The following USP49 variants were observed in gnomAD, a reference collection of about 807,000 sequenced individuals.
USP49 encodes ubiquitin specific peptidase 49, also known as ubiquitin carboxyl-terminal hydrolase 49.
Under a neutral mutation model 58.6 loss-of-function variants are expected in USP49, and 24 were observed. The ratio of observed to expected loss-of-function variants is 0.41; its 90% CI spans 0.30 to 0.58. The LOEUF (loss-of-function observed/expected upper bound fraction) is 0.58, where lower values mean the gene tolerates loss of function less well. Among genes scored for constraint, USP49 ranks in the 20% least tolerant of loss-of-function variants. USP49 has a pLI of 0.30. For missense variants in USP49, 703 were observed against 866.1 expected (o/e 0.81, Z 2.36); for synonymous variants, 408 against 365.1 (o/e 1.12, Z -1.34).
At chr6:41,808,639 T>C (rs1334640447) in intron 3 of USP49, among the ~76,000 whole-genome samples, 1 of 152,076 alleles carries the variant, frequency 6.6e-6, no homozygotes, top group Non-Finnish European at 1.5e-5. Context: ...CCCGATCTCT[T>C]GACCTCGTGA....
chr6:41,812,208 T>C (rs923201210), intron 3 of USP49, among the ~76,000 whole-genome samples: 2 of 151,806 alleles, frequency 1.3e-5, no homozygotes, highest in Non-Finnish European at 2.9e-5. Context: ...GCCTCACAAA[T>C]AGCTGGGATT....
intron 3 of USP49, among the ~76,000 whole-genome samples, chr6:41,819,021 T>A (rs564476317): frequency 1.1e-4 from 17 of 152,088 alleles, no homozygotes; most frequent in African/African-American, 3.9e-4. Context: ...TAAAAGTCTG[T>A]ACAGAAATGA....
At chr6:41,880,900 G>T (rs758878304) in intron 2 of USP49, among the ~76,000 whole-genome samples, 11 of 151,992 alleles carry the variant, frequency 7.2e-5, no homozygotes, top group Non-Finnish European at 1.6e-4. Flanking sequence ...GTCTAGAAAA[G>T]AACCTACACA....
intron 3 of USP49, chr6:41,869,825 C>T (rs879802297): frequency 2.0e-5 from 3 of 152,032 alleles, no homozygotes; most frequent in East Asian, 3.8e-4. Flanking sequence ...AATTGTGTAG[C>T]CTGCTTTACA....
At chr6:41,827,411 G>A (rs1225865270) in intron 3 of USP49, among the ~76,000 whole-genome samples, 1 of 152,128 alleles carries the variant, frequency 6.6e-6, no homozygotes, top group African/African-American at 2.4e-5. Context: ...TGTAATCCCA[G>A]GACTTTGGGA....
At chr6:41,884,357 A>G (rs1256662505) in intron 2 of USP49, among the ~76,000 whole-genome samples, 2 of 152,188 alleles carry the variant, frequency 1.3e-5, no homozygotes, top group Non-Finnish European at 2.9e-5. Context: ...TGCTCACTGA[A>G]AAAAGTAAAA....
At chr6:41,839,850 G>GA (rs981060243) in intron 3 of USP49, among the ~76,000 whole-genome samples, 2 of 141,534 alleles carry the variant, frequency 1.4e-5, no homozygotes, top group Non-Finnish European at 3.1e-5. Context: ...GTTAGGGTGG[G>GA]AGGGGGTAAG....
intron 2 of USP49, among the ~76,000 whole-genome samples, chr6:41,877,259 G>A (rs972171339): frequency 1.3e-5 from 2 of 152,162 alleles, no homozygotes; most frequent in African/African-American, 2.4e-5. Context: ...AAGGGTAGCA[G>A]GATTGCATTT....
chr6:41,847,645 C>T (rs71558770), intron 3 of USP49, among the ~76,000 whole-genome samples: 29,488 of 151,652 alleles, frequency 0.19, 3,260 homozygotes, highest in East Asian at 0.29. Context: ...ACCCAGGAGG[C>T]GGAGGTTGCA....
Position 41,793,535 on chromosome 6 carries a change from A to G in USP49, c.*2998T>C. 1 of 153,036 alleles carries G rather than the reference A, an allele frequency of 6.5e-6. No homozygotes were observed. Among genetic ancestry groups the G allele is most frequent in the Non-Finnish European group, 1.5e-5 (1 of 68,676 alleles). 9.5% of individuals were successfully genotyped at this position (153,036 alleles called of 1,614,324 possible). A position where few individuals can be genotyped will look rare whatever the true frequency, so the allele number is the denominator to read the frequency against. On this transcript the variant is annotated 3_prime_UTR_variant, in exon 8 of 8. Coordinates refer to ENST00000682992, the MANE Select transcript of USP49 (RefSeq NM_001286554.2). ...CGGCCTCCCAAAGTGCTGGGATTAC[A>G]GGCATGAGCCACCGCGCCCAGCCTG...
Position 41,806,170 on chromosome 6 carries a change from T to C in USP49, c.814A>G (p.Ser272Gly). ...CYMNSILQVL[S>G]HLQKFRECFL... ...CATTCTCGGAACTTCTGGAGGTGGC[T>C]GAGCACCTGGAGGATGGAGTTCATG... The change falls in exon 4 of 8, where the codon AGC (serine) becomes GGC (glycine). Residue 272 changes from serine (S) to glycine (G), a missense_variant. Ser to Gly is a moderately conservative substitution (Grantham distance 56). Transcript: ENST00000682992. The surrounding 1 kb of genome is among the most constrained non-coding windows in gnomAD (Gnocchi z 5.9). 5 of 1,613,410 alleles carry C rather than the reference T, an allele frequency of 3.1e-6. No individual in the cohort carries two copies. Among genetic ancestry groups the C allele is most frequent in the South Asian group, 1.1e-5 (1 of 91,090 alleles).
intron 3 of USP49, among the ~76,000 whole-genome samples, chr6:41,859,028 T>C (rs1184197754): frequency 6.6e-6 from 1 of 152,168 alleles, no homozygotes; most frequent in Non-Finnish European, 1.5e-5. Flanking sequence ...TCCACATCCA[T>C]TGCCTCGATT....
intron 3 of USP49, among the ~76,000 whole-genome samples, chr6:41,827,776 G>C (rs1415859818): frequency 6.7e-6 from 1 of 150,298 alleles, no homozygotes; most frequent in African/African-American, 2.5e-5. Flanking sequence ...ATCATTTATT[G>C]AACACTTACT....
intron 3 of USP49, among the ~76,000 whole-genome samples, chr6:41,853,999 CGAAA>C (rs1774079894): frequency 3.4e-5 from 2 of 58,870 alleles, no homozygotes; most frequent in Admixed American, 2.3e-4. Flanking sequence ...GACTCTGTCT[CGAAA>C]AAAAAAAAAA....
At chr6:41,807,368 AAGAT>A (rs775388653) in intron 3 of USP49, among the ~76,000 whole-genome samples, 2 of 152,216 alleles carry the variant, frequency 1.3e-5, no homozygotes, top group Non-Finnish European at 2.9e-5. Flanking sequence ...AACATGATAT[AAGAT>A]AGAAATAAGA....
rs141510777 is a variant in USP49 at position 41,853,293 on chromosome 6, G to T, written c.-29+18271C>A. Among the ~76,000 whole-genome samples the T allele has an allele frequency of 7.7e-4, 117 of 152,264 alleles. 5 individuals are homozygous for T. In the East Asian group the frequency reaches 0.02, roughly 26 times the overall value. ...TGCCCATCGGAAAAAGACAAATACT[G>T]TATGATTCCATTTATATGAGGTATC... On this transcript the variant is annotated intron_variant, in intron 3 of 7. Coordinates refer to ENST00000682992, the MANE Select transcript of USP49 (RefSeq NM_001286554.2).
At chr6:41,857,035 A>G (rs1293938751) in intron 3 of USP49, among the ~76,000 whole-genome samples, 2 of 152,174 alleles carry the variant, frequency 1.3e-5, no homozygotes, top group South Asian at 4.1e-4. Flanking sequence ...CCTATTGTTC[A>G]TGGAGTTTCC....
chr6:41,802,422 A>ATT (rs1168016203), intron 5 of USP49, among the ~76,000 whole-genome samples: 121 of 85,638 alleles, frequency 1.4e-3, no homozygotes, highest in African/African-American at 4.2e-3. Flanking sequence ...ATTTTATTTT[A>ATT]TTTTATTTTA....
At chr6:41,807,908 G>C (rs1197446391) in intron 3 of USP49, among the ~76,000 whole-genome samples, 1 of 151,136 alleles carries the variant, frequency 6.6e-6, no homozygotes, top group African/African-American at 2.4e-5. Flanking sequence ...CAGGAAGCTG[G>C]GATTACAGGT....
Sources: allele counts gnomAD v4.1 joint callset (sites outside exome capture counted in the v4.1 genomes callset), GRCh38; gene constraint gnomAD v4.1.1; non-coding constraint Gnocchi (gnomAD v3.1); transcripts MANE v1.5; gene names NCBI Gene and HGNC (gene_info 2026-07-23, HGNC 2026-07-21).